The following PRUNE2 variants were observed in gnomAD, a reference collection of about 807,000 sequenced individuals.
PRUNE2 encodes protein prune homolog 2.
Under a neutral mutation model 252.0 loss-of-function variants are expected in PRUNE2, and 164 were observed. The observed-to-expected ratio is 0.65, with a 90% CI of 0.57 to 0.74. PRUNE2 has a LOEUF of 0.74. Among genes scored for constraint, PRUNE2 ranks in the 30% least tolerant of loss-of-function variants. The probability of loss-of-function intolerance (pLI) is 0.00; values close to 1 mark genes in which losing one functional copy is unlikely to be tolerated. For synonymous variants in PRUNE2, 1,292 were observed against 1,350.2 expected, an observed-to-expected ratio of 0.96 and a Z score of 0.94; for missense variants, 3,495 against 3,711.0, an observed-to-expected ratio of 0.94 and a Z score of 1.51.
At chr9:76,732,867 T>A (rs1225122767) in intron 6 of PRUNE2, among the ~76,000 whole-genome samples, 2 of 152,110 alleles carry the variant, frequency 1.3e-5, no homozygotes, top group Non-Finnish European at 2.9e-5. Flanking sequence ...TTTTCCTCCA[T>A]TATTCTCAAC....
At chr9:76,675,673 C>T (rs1413389111) in intron 9 of PRUNE2, among the ~76,000 whole-genome samples, 1 of 118,314 alleles carries the variant, frequency 8.5e-6, no homozygotes, top group Non-Finnish European at 1.8e-5. Context: ...CCCAAATGTC[C>T]AACAATGATA....
intron 6 of PRUNE2, among the ~76,000 whole-genome samples, chr9:76,807,572 A>G (rs1385315487): frequency 6.6e-6 from 1 of 152,218 alleles, no homozygotes; most frequent in Non-Finnish European, 1.5e-5. Flanking sequence ...TTCAAACAGC[A>G]GAGTGGTAAA....
intron 18 of PRUNE2, 49 bp from the exon 19 acceptor site, chr9:76,614,649 A>G (rs1191773404): frequency 7.1e-7 from 1 of 1,414,308 alleles, no homozygotes; most frequent in Non-Finnish European, 1.0e-6. Flanking sequence ...CAAATGAGAG[A>G]CATTTAGTAA....
intron 6 of PRUNE2, among the ~76,000 whole-genome samples, chr9:76,748,927 G>A (rs1450882808): frequency 6.6e-6 from 1 of 152,132 alleles, no homozygotes; most frequent in Non-Finnish European, 1.5e-5. Context: ...TAATACGAGT[G>A]AGGCGGAGCA....
chr9:76,900,017 C>T (rs2063076018), intron 1 of PRUNE2, among the ~76,000 whole-genome samples: 1 of 152,114 alleles, frequency 6.6e-6, no homozygotes, highest in Non-Finnish European at 1.5e-5. Context: ...TCCCTGGAAG[C>T]AGGGTGAAAG....
At chr9:76,692,317 C>T (rs1040990362) in intron 9 of PRUNE2, 4 of 563,272 alleles carry the variant, frequency 7.1e-6, no homozygotes, top group Admixed American at 3.3e-5. Context: ...ATACGATACC[C>T]TTTCACCCAC....
At position 76,614,288 on chromosome 9, in the gene PRUNE2, C is replaced by T. The variant is rs138609444; in HGVS notation, c.*282G>A. ...AACACCAGTCTAAGGGACAAAGTAT[C>T]ACTACACCGTGTTAATGAAGTATTG... On this transcript the variant is annotated 3_prime_UTR_variant, in exon 19 of 19. Transcript: ENST00000376718. The T allele has an allele frequency of 2.1e-6, 1 of 483,522 alleles. No individual in the cohort carries two copies. Among genetic ancestry groups the T allele is most frequent in the Non-Finnish European group, 3.7e-6 (1 of 273,864 alleles). 30.0% of individuals were successfully genotyped at this position (483,522 alleles called of 1,614,324 possible).
At chr9:76,836,938 A>G (rs2059018249) in intron 4 of PRUNE2, among the ~76,000 whole-genome samples, 1 of 152,256 alleles carries the variant, frequency 6.6e-6, no homozygotes, top group South Asian at 2.1e-4. Context: ...CATCCGTAAT[A>G]ATCAAGTTCT....
chr9:76,733,418 CATCTATT>C (rs2048804146), intron 6 of PRUNE2, among the ~76,000 whole-genome samples: 1 of 135,514 alleles, frequency 7.4e-6, no homozygotes, highest in Non-Finnish European at 1.6e-5. Context: ...TTCATTCATT[CATCTATT>C]TGAGACAGGG....
At chr9:76,662,439 C>T (rs1446930882) in intron 9 of PRUNE2, among the ~76,000 whole-genome samples, 1 of 152,178 alleles carries the variant, frequency 6.6e-6, no homozygotes, top group Non-Finnish European at 1.5e-5. Context: ...CATAAATGCA[C>T]CTTCTTGCCT....
chr9:76,751,260 A>ACG (rs1442931770), intron 6 of PRUNE2, among the ~76,000 whole-genome samples: 1 of 150,950 alleles, frequency 6.6e-6, no homozygotes, highest in Non-Finnish European at 1.5e-5. Flanking sequence ...AGACACACAC[A>ACG]CACACACACA....
At chr9:76,903,960 A>G (rs1284913929) in intron 1 of PRUNE2, among the ~76,000 whole-genome samples, 6 of 152,248 alleles carry the variant, frequency 3.9e-5, no homozygotes, top group Non-Finnish European at 8.8e-5. Flanking sequence ...TTCTCCAAGA[A>G]AAAGGTTATC....
chr9:76,784,525 T>A (rs192316440), intron 6 of PRUNE2: 1 of 152,272 alleles, frequency 6.6e-6, no homozygotes, highest in East Asian at 1.9e-4. Flanking sequence ...TTGTAATATC[T>A]GATCTCTACG....
intron 6 of PRUNE2, among the ~76,000 whole-genome samples, chr9:76,814,780 C>A (rs1017903864): frequency 1.3e-5 from 2 of 152,122 alleles, no homozygotes; most frequent in African/African-American, 4.8e-5. Flanking sequence ...AATATATGTC[C>A]ACATTTGCAT....
rs574085574 is a variant in PRUNE2 at position 76,647,998 on chromosome 9, GAAA to G, written c.8558-3092_8558-3090del. On this transcript the variant is annotated intron_variant, in intron 11 of 18. Coordinates refer to ENST00000376718, the MANE Select transcript of PRUNE2 (RefSeq NM_015225.3). ...AACAACAACAAAAACTCAACAATAAGAAAATGGGCAAAAGACCTGGACAGGTAC... is the reference window on the plus strand; with the variant it reads ...AACAACAACAAAAACTCAACAATAAGATGGGCAAAAGACCTGGACAGGTAC... 4.1e-3 allele frequency among the ~76,000 whole-genome samples: 621 copies of G among 152,102 alleles called. 1 individual carries two copies. The highest frequency in any genetic ancestry group is 0.013 in the African/African-American group (557 of 41,512).
rs140490929 is a variant in PRUNE2 at position 76,871,655 on chromosome 9, G to A, written c.37-17447C>T. ...ACTATGACAATTTTTTTAAGACAGA[G>A]TCTCACTCTGTTACCTAGGCTGGAG... On this transcript the variant is annotated intron_variant, in intron 1 of 18. Coordinates refer to ENST00000376718, the MANE Select transcript of PRUNE2 (RefSeq NM_015225.3). Among the ~76,000 whole-genome samples the A allele has an allele frequency of 4.6e-3, 695 of 152,240 alleles. 9 individuals are homozygous for A. The highest frequency in any genetic ancestry group is 0.016 in the African/African-American group (662 of 41,564).
intron 4 of PRUNE2, among the ~76,000 whole-genome samples, chr9:76,832,066 T>A (rs1435142116): frequency 2.0e-5 from 3 of 152,146 alleles, no homozygotes; most frequent in Non-Finnish European, 4.4e-5. Context: ...GGAAGATACA[T>A]CAATTCTAAA....
chr9:76,870,555 G>A (rs56145759), intron 1 of PRUNE2, among the ~76,000 whole-genome samples: 122 of 152,072 alleles, frequency 8.0e-4, no homozygotes, highest in Non-Finnish European at 1.4e-3. Context: ...GCGTGGTAGC[G>A]GGTGCCTGTG....
chr9:76,815,037 CTGTTTCAT>C (rs1163754399), intron 6 of PRUNE2, among the ~76,000 whole-genome samples: 1 of 152,184 alleles, frequency 6.6e-6, no homozygotes, highest in Admixed American at 6.5e-5. Flanking sequence ...CCTTATTTCA[CTGTTTCAT>C]TCCCATTTCA....
Sources: gnomAD v4.1 joint callset for allele counts (sites outside exome capture counted in the v4.1 genomes callset) on GRCh38, gnomAD v4.1.1 for gene constraint, MANE v1.5 for transcripts, NCBI Gene and HGNC (gene_info 2026-07-23, HGNC 2026-07-21) for gene names.